The following ADGRL2 variants were observed in gnomAD, a reference collection of about 807,000 sequenced individuals.
The protein encoded by ADGRL2 is calcium-independent alpha-latrotoxin receptor 2.
ADGRL2 carries 44 observed loss-of-function variants against 157.4 expected under a neutral mutation model. The observed-to-expected ratio is 0.28, with a 90% confidence interval of 0.22 to 0.36. The LOEUF (loss-of-function observed/expected upper bound fraction) is 0.36. Among genes scored for constraint, ADGRL2 ranks in the 10% least tolerant of loss-of-function variants. ADGRL2 has a pLI of 1.00. For synonymous variants in ADGRL2, 585 were observed against 624.7 expected, an observed-to-expected ratio of 0.94 and a Z score of 0.95; for missense variants, 1,510 against 1,768.9, an observed-to-expected ratio of 0.85 and a Z score of 2.63.
chr1:81,541,803 AC>A (rs1462568989), intron 2 of ADGRL2, among the ~76,000 whole-genome samples: 1,629 of 138,696 alleles, frequency 0.012, 25 homozygotes, highest in African/African-American at 0.04. Flanking sequence ...AAAAAAAAAA[AC>A]AAAATTAGCC....
At chr1:81,950,531 G>T (rs1460274143) in intron 7 of ADGRL2, 49 bp downstream of exon 7, 4 of 1,511,258 alleles carry the variant, frequency 2.6e-6, no homozygotes, top group Non-Finnish European at 3.6e-6. Context: ...TAGTAAGTAG[G>T]TTCTGTATTA....
At position 81,836,993 on chromosome 1, in the gene ADGRL2, T is replaced by C. The variant is rs754723975; in HGVS notation, c.9T>C (p.Ser3=). 5.0e-6 allele frequency: 8 copies of C among 1,589,664 alleles called. No individual in the cohort carries two copies. Among genetic ancestry groups the C allele is most frequent in the Non-Finnish European group, 6.8e-6 (8 of 1,168,134 alleles). MV[S]SGCRMRSLWF... ...ACTTAAAGGGATCAATAATGGTGTC[T>C]TCTGGTTGCAGAATGCGAAGTCTGT... Residue 3 remains serine (S), a synonymous_variant, in exon 2 of 24, where the codon TCT becomes TCC. Transcript: ENST00000686636.
At chr1:81,812,339 G>C (rs563293768) in intron 1 of ADGRL2, among the ~76,000 whole-genome samples, 4 of 151,498 alleles carry the variant, frequency 2.6e-5, no homozygotes, top group African/African-American at 7.2e-5. Flanking sequence ...AGAAAGTAAG[G>C]CATTTTGAGA....
At chr1:81,406,216 C>T (rs996935752) in intron 1 of ADGRL2, among the ~76,000 whole-genome samples, 15 of 152,158 alleles carry the variant, frequency 9.9e-5, no homozygotes, top group African/African-American at 3.4e-4. Context: ...GTGCAAATCA[C>T]AGACCCTCTG....
chr1:81,556,229 A>G (rs962418236), intron 2 of ADGRL2, among the ~76,000 whole-genome samples: 1 of 149,754 alleles, frequency 6.7e-6, no homozygotes, highest in African/African-American at 2.5e-5. Context: ...GAATTTACAT[A>G]TTTTTCTACA....
At position 81,992,504 on chromosome 1, in the gene ADGRL2, A is replaced by T. The variant is rs1044803119; in HGVS notation, c.*1359A>T. 3.3e-5 allele frequency: 5 copies of T among 152,542 alleles called. No individual in the cohort carries two copies. The highest frequency in any genetic ancestry group is 1.2e-4 in the African/African-American group (5 of 41,458). 9.4% of individuals were successfully genotyped at this position (152,542 alleles called of 1,614,324 possible). A position where few individuals can be genotyped will look rare whatever the true frequency, so the allele number is the denominator to read the frequency against. ...TTCCCACCTTGGTTTAAGTAACGTCATACCAAAGTCCATGGATATATGAAA... is the reference window on the plus strand; with the variant it reads ...TTCCCACCTTGGTTTAAGTAACGTCTTACCAAAGTCCATGGATATATGAAA... On this transcript the variant is annotated 3_prime_UTR_variant, in exon 24 of 24. Transcript: ENST00000686636.
rs974100743 is a variant in ADGRL2 at position 81,462,379 on chromosome 1, G to T, written c.-248+17290G>T. Among the ~76,000 whole-genome samples the T allele has an allele frequency of 5.3e-5, 8 of 152,148 alleles. No individual in the cohort carries two copies. In the South Asian group the frequency reaches 6.2e-4, roughly 12 times the overall value. On this transcript the variant is annotated intron_variant, in intron 2 of 24. Transcript: ENST00000370721. ...AATCTTGCTGCTACTCAGTCTTTGG[G>T]TCTGTGCCACATTTAAGAGCTGTAA...
At chr1:81,415,789 C>G (rs1191151627) in intron 1 of ADGRL2, among the ~76,000 whole-genome samples, 1 of 151,974 alleles carries the variant, frequency 6.6e-6, no homozygotes, top group Admixed American at 6.5e-5. Context: ...CAATAAACAC[C>G]TGCTGAATGG....
chr1:81,940,029 CTCAAGTAAATAAAGACT>C (rs1460483519), intron 4 of ADGRL2, among the ~76,000 whole-genome samples: 1 of 151,164 alleles, frequency 6.6e-6, no homozygotes, highest in Non-Finnish European at 1.5e-5. Context: ...TCAATTAAAT[CTCAAGTAAATAAAGACT>C]TTGATATTCT....
rs142445952 is a variant in ADGRL2, at chr1:81,517,114, T to G, written c.-247-63762T>G. ...AAAGAGTAGCTTAAACTAATAATTC[T>G]TATTTTTTTCACCTACATAATTCCA... is the stretch of plus-strand genomic sequence containing the variant. On this transcript the variant is annotated intron_variant, in intron 2 of 24. Transcript: ENST00000370721. Among the ~76,000 whole-genome samples the G allele has an allele frequency of 2.1e-3, 327 of 152,234 alleles. 2 individuals carry two copies. Among genetic ancestry groups the G allele is most frequent in the African/African-American group, 7.7e-3 (319 of 41,524 alleles).
intron 2 of ADGRL2, among the ~76,000 whole-genome samples, chr1:81,488,965 G>A (rs899097556): frequency 2.0e-5 from 3 of 152,208 alleles, no homozygotes; most frequent in African/African-American, 7.2e-5. Flanking sequence ...GCTGGGTGCA[G>A]TGGCTCACAC....
intron 1 of ADGRL2, among the ~76,000 whole-genome samples, chr1:81,758,929 T>C (rs1487889243): frequency 6.6e-6 from 1 of 152,136 alleles, no homozygotes; most frequent in Non-Finnish European, 1.5e-5. Context: ...TATATGTATA[T>C]ATATTTTTAA....
chr1:81,657,526 A>G (rs1190587147), intron 3 of ADGRL2, among the ~76,000 whole-genome samples: 1 of 152,198 alleles, frequency 6.6e-6, no homozygotes, highest in African/African-American at 2.4e-5. Context: ...TTTCATGGTT[A>G]AAATATCCTA....
intron 1 of ADGRL2, among the ~76,000 whole-genome samples, chr1:81,324,928 G>A (rs747664612): frequency 1.3e-4 from 20 of 151,964 alleles, no homozygotes; most frequent in Non-Finnish European, 1.8e-4. Context: ...TGTTGGCTAG[G>A]CTGGTCTCGA....
rs1265685146 is a variant in ADGRL2, at chr1:81,427,024, A to G, written c.-301-18012A>G. ...TTGTTATTCAGAAATACCACAGTTG[A>G]TAACATTGTTATTCAGAAATACCAC... On this transcript the variant is annotated intron_variant, in intron 1 of 24. Transcript: ENST00000370721. 4.7e-6 allele frequency: 5 copies of G among 1,071,948 alleles called. No homozygotes were observed. In the Admixed American group the frequency reaches 6.8e-5, roughly 15 times the overall value. 66.4% of individuals were successfully genotyped at this position (1,071,948 alleles called of 1,614,324 possible).
At chr1:81,914,655 A>G (rs1167502107) in intron 3 of ADGRL2, among the ~76,000 whole-genome samples, 1 of 152,154 alleles carries the variant, frequency 6.6e-6, no homozygotes, top group Non-Finnish European at 1.5e-5. Flanking sequence ...CTCCTAACCC[A>G]TCATGTCTAT....
At chr1:81,560,953 C>T (rs1339492656) in intron 2 of ADGRL2, among the ~76,000 whole-genome samples, 4 of 152,112 alleles carry the variant, frequency 2.6e-5, no homozygotes, top group Non-Finnish European at 2.9e-5. Context: ...GACACAATCC[C>T]GCCTTAGAGA....
chr1:81,990,172 C>T (rs976933759), intron 23 of ADGRL2: 3 of 985,142 alleles, frequency 3.0e-6, no homozygotes, highest in Non-Finnish European at 1.2e-6. Flanking sequence ...GCCATTTTCT[C>T]TCCCTGGAAA....
At chr1:81,578,009 C>A (rs2080830000) in intron 2 of ADGRL2, among the ~76,000 whole-genome samples, 1 of 152,134 alleles carries the variant, frequency 6.6e-6, no homozygotes, top group Non-Finnish European at 1.5e-5. Flanking sequence ...ACTTGTTTTA[C>A]ATGAATTCCA....
Sources: allele counts gnomAD v4.1 joint callset (sites outside exome capture counted in the v4.1 genomes callset), GRCh38; gene constraint gnomAD v4.1.1; transcripts MANE v1.5; gene names NCBI Gene and HGNC (gene_info 2026-07-23, HGNC 2026-07-21).